The following CNTNAP2 variants were observed in gnomAD, a reference collection of about 807,000 sequenced individuals.
CNTNAP2 encodes contactin associated protein 2, also known as contactin-associated protein-like 2.
CNTNAP2 carries 98 observed loss-of-function variants against 155.2 expected under a neutral mutation model. The observed-to-expected ratio is 0.63, with a 90% confidence interval of 0.54 to 0.75. The LOEUF (loss-of-function observed/expected upper bound fraction) is 0.75, where lower values mean the gene tolerates loss of function less well. CNTNAP2 is among the 30% of genes least tolerant of loss of function. The probability of loss-of-function intolerance (pLI) is 0.00; values close to 1 mark genes in which losing one functional copy is unlikely to be tolerated. For synonymous variants in CNTNAP2, 651 were observed against 631.2 expected, an observed-to-expected ratio of 1.03 and a Z score of -0.47; for missense variants, 1,727 against 1,688.1, an observed-to-expected ratio of 1.02 and a Z score of -0.40.
intron 1 of CNTNAP2, among the ~76,000 whole-genome samples, chr7:146,609,274 G>T (rs347199): frequency 0.65 from 99,137 of 151,998 alleles, 33,753 homozygotes; most frequent in African/African-American, 0.82. Context: ...GAGCATTATC[G>T]GTATTTGCAC....
intron 13 of CNTNAP2, among the ~76,000 whole-genome samples, chr7:147,732,358 G>A (rs1796757694): frequency 6.6e-6 from 1 of 152,048 alleles, no homozygotes. Flanking sequence ...CCCTACAAAG[G>A]ACATGAACTC....
At chr7:148,379,901 T>A (rs1585321411) in intron 21 of CNTNAP2, among the ~76,000 whole-genome samples, 1 of 152,174 alleles carries the variant, frequency 6.6e-6, no homozygotes, top group South Asian at 2.1e-4. Flanking sequence ...CGCCTCTCAC[T>A]TGGCATTCAG....
In CNTNAP2 at chr7:146,434,227, T is replaced by C. The variant is rs139810031; in HGVS notation, c.97+317254T>C. ...TTCATGAGAGAATTACACTGTGAGG[T>C]TACATTTGGGTTGGTTCTACTCAAT... On this transcript the variant is annotated intron_variant, in intron 1 of 23. Transcript: ENST00000361727. Among the ~76,000 whole-genome samples, 17 of 152,220 alleles carry C rather than the reference T, an allele frequency of 1.1e-4. No individual in the cohort carries two copies. In the East Asian group the frequency reaches 3.3e-3, roughly 29 times the overall value.
intron 11 of CNTNAP2, among the ~76,000 whole-genome samples, chr7:147,490,183 G>C (rs1313062217): frequency 6.6e-6 from 1 of 152,042 alleles, no homozygotes; most frequent in Non-Finnish European, 1.5e-5. Context: ...AATGTTTCCA[G>C]GGGAAACAGG....
At chr7:148,132,935 T>C (rs1163783941) in intron 16 of CNTNAP2, among the ~76,000 whole-genome samples, 1 of 152,204 alleles carries the variant, frequency 6.6e-6, no homozygotes, top group Non-Finnish European at 1.5e-5. Context: ...TTTTTTAATA[T>C]TACAATGATC....
chr7:148,166,279 A>G (rs1805656361), intron 17 of CNTNAP2, among the ~76,000 whole-genome samples: 1 of 152,158 alleles, frequency 6.6e-6, no homozygotes, highest in South Asian at 2.1e-4. Flanking sequence ...TTTTGCTTCA[A>G]TACTATGAAG....
chr7:146,760,409 C>CTTTTTTTTTTTTTTTTTTTTT lies in CNTNAP2; in HGVS notation c.98-13849_98-13829dup, dbSNP rs532820418. ...CACCTCTGTATCATCTCCAATTTAC[C>CTTTTTTTTTTTTTTTTTTTTT]TTTTTTTTTTTTTTTTTTTTTTTTT... On this transcript the variant is annotated intron_variant, in intron 1 of 23. Transcript: ENST00000361727. 7.3e-4 allele frequency among the ~76,000 whole-genome samples: 41 copies of CTTTTTTTTTTTTTTTTTTTTT among 56,298 alleles called. 7 individuals carry two copies. The highest frequency in any genetic ancestry group is 2.4e-3 in the East Asian group (3 of 1,240). 36.9% of individuals were successfully genotyped at this position (56,298 alleles called of 152,430 possible).
chr7:146,758,700 C>A (rs1364709823), intron 1 of CNTNAP2, among the ~76,000 whole-genome samples: 1 of 152,106 alleles, frequency 6.6e-6, no homozygotes, highest in East Asian at 1.9e-4. Context: ...AAGACCCACC[C>A]CATGATTCAA....
chr7:146,582,657 A>G (rs1374141521), intron 1 of CNTNAP2, among the ~76,000 whole-genome samples: 2 of 152,138 alleles, frequency 1.3e-5, no homozygotes, highest in African/African-American at 4.8e-5. Flanking sequence ...GCACAAAGGT[A>G]CTACTAGAAT....
At chr7:147,633,503 A>G (rs1795124814) in intron 12 of CNTNAP2, among the ~76,000 whole-genome samples, 1 of 152,092 alleles carries the variant, frequency 6.6e-6, no homozygotes, top group African/African-American at 2.4e-5. Context: ...GAAAGGCATG[A>G]TTGTGTTTTG....
At chr7:147,732,620 C>T (rs1796762692) in intron 13 of CNTNAP2, among the ~76,000 whole-genome samples, 1 of 152,184 alleles carries the variant, frequency 6.6e-6, no homozygotes, top group Non-Finnish European at 1.5e-5. Context: ...ACACTGACTT[C>T]CACAATGGTT....
At chr7:148,219,226 C>T (rs1852861) in intron 19 of CNTNAP2, among the ~76,000 whole-genome samples, 1 of 151,912 alleles carries the variant, frequency 6.6e-6, no homozygotes, top group South Asian at 2.1e-4. Flanking sequence ...TGGTGTGAAC[C>T]ACTGCGTCAG....
chr7:146,654,848 T>A (rs1011550113), intron 1 of CNTNAP2, among the ~76,000 whole-genome samples: 3 of 152,166 alleles, frequency 2.0e-5, no homozygotes, highest in Non-Finnish European at 4.4e-5. Flanking sequence ...TGTTATGAGA[T>A]CATATTATTA....
intron 1 of CNTNAP2, among the ~76,000 whole-genome samples, chr7:146,752,178 C>T (rs1585073536): frequency 1.3e-5 from 2 of 152,090 alleles, no homozygotes; most frequent in African/African-American, 4.8e-5. Context: ...ATTTCTGATT[C>T]TAGATCCTTG....
At chr7:147,440,665 C>T (rs1797622097) in intron 10 of CNTNAP2, among the ~76,000 whole-genome samples, 1 of 152,064 alleles carries the variant, frequency 6.6e-6, no homozygotes, top group Admixed American at 6.6e-5. Context: ...GATGAAATCC[C>T]TCAGCTTTTG....
intron 13 of CNTNAP2, among the ~76,000 whole-genome samples, chr7:147,652,586 A>G (rs548043600): frequency 6.6e-6 from 1 of 152,270 alleles, no homozygotes; most frequent in South Asian, 2.1e-4. Context: ...AGGAAACATA[A>G]CTTTAGAAGG....
intron 5 of CNTNAP2, among the ~76,000 whole-genome samples, chr7:147,120,207 T>C (rs1477028504): frequency 6.6e-6 from 1 of 152,184 alleles, no homozygotes; most frequent in Non-Finnish European, 1.5e-5. Flanking sequence ...TAATAATAAT[T>C]ATAACAGTCA....
At chr7:146,175,956 A>G (rs954000567) in intron 1 of CNTNAP2, among the ~76,000 whole-genome samples, 5 of 152,178 alleles carry the variant, frequency 3.3e-5, no homozygotes, top group African/African-American at 9.6e-5. Context: ...AGTGGGAGCT[A>G]TGGAAAGTAC....
intron 14 of CNTNAP2, among the ~76,000 whole-genome samples, chr7:147,969,473 T>C (rs1801292821): frequency 1.3e-5 from 2 of 152,118 alleles, no homozygotes; most frequent in Admixed American, 6.5e-5. Context: ...TTGGTCTGAG[T>C]TGTTGGGACC....
Sources: allele counts gnomAD v4.1 joint callset (sites outside exome capture counted in the v4.1 genomes callset), GRCh38; gene constraint gnomAD v4.1.1; transcripts MANE v1.5; gene names NCBI Gene and HGNC (gene_info 2026-07-23, HGNC 2026-07-21).